Variants in LIPK observed in about 807,000 individuals in gnomAD.
The protein encoded by LIPK is lipase member K.
Under a neutral mutation model 48.6 loss-of-function variants are expected in LIPK, and 32 were observed. The observed-to-expected ratio is 0.66, with a 90% CI of 0.50 to 0.88. The LOEUF (loss-of-function observed/expected upper bound fraction) is 0.88, where lower values mean the gene tolerates loss of function less well. Ranked by LOEUF, LIPK falls within the 40% of genes least tolerant of loss-of-function variation. LIPK has a pLI of 0.00. For missense variants in LIPK, 507 were observed against 478.5 expected, an observed-to-expected ratio of 1.06 and a Z score of -0.56; for synonymous variants, 164 against 157.4, an observed-to-expected ratio of 1.04 and a Z score of -0.32.
chr10:88,712,139 T>A (rs1319715841), intron 1 of LIPK, among the ~76,000 whole-genome samples: 2 of 152,220 alleles, frequency 1.3e-5, no homozygotes, highest in Admixed American at 1.3e-4. Context: ...TATCTCTCTA[T>A]GTATTTGGAT....
chr10:88,745,187 A>G (rs938439382), intron 9 of LIPK, among the ~76,000 whole-genome samples: 26 of 152,038 alleles, frequency 1.7e-4, no homozygotes, highest in Non-Finnish European at 3.4e-4. Context: ...AAGAGAGAGG[A>G]AGTAACTTGG....
At chr10:88,727,159 A>G (rs1590141936) in intron 3 of LIPK, among the ~76,000 whole-genome samples, 2 of 152,194 alleles carry the variant, frequency 1.3e-5, no homozygotes, top group African/African-American at 4.8e-5. Flanking sequence ...CAAACACAAA[A>G]ACACATCGTG....
intron 4 of LIPK, 39 bp from the exon 5 acceptor site, chr10:88,732,139 A>G (rs1376319196): frequency 1.5e-6 from 2 of 1,374,532 alleles, no homozygotes; most frequent in Non-Finnish European, 2.1e-6. Context: ...CCTAACAATG[A>G]GATGACTTTT....
At chr10:88,749,922 A>G (rs1229886365) in intron 9 of LIPK, among the ~76,000 whole-genome samples, 1 of 152,182 alleles carries the variant, frequency 6.6e-6, no homozygotes, top group Non-Finnish European at 1.5e-5. Context: ...AAGATCTAAT[A>G]TCCAAAGTCT....
At chr10:88,744,606 C>G (rs1030772709) in intron 9 of LIPK, among the ~76,000 whole-genome samples, 2 of 152,096 alleles carry the variant, frequency 1.3e-5, no homozygotes, top group African/African-American at 4.8e-5. Flanking sequence ...TCAAGGGCTT[C>G]AAAGAATATA....
Position 88,752,753 on chromosome 10 carries a change from T to C in LIPK, c.1197T>C (p.Asn399=). ...LIILMEEYLQ[N] ...TATTGATGGAAGAATATTTACAAAA[T>C]TAAATGCACTTTACTTTCTCTAAGC... Residue 399 remains asparagine (N), a synonymous_variant, in exon 10 of 10, where the codon AAT becomes AAC. Coordinates refer to ENST00000404190, the MANE Select transcript of LIPK (RefSeq NM_001080518.2). The C allele has an allele frequency of 9.8e-6, 15 of 1,538,182 alleles. No individual in the cohort carries two copies. Among genetic ancestry groups the C allele is most frequent in the Non-Finnish European group, 1.3e-5 (15 of 1,134,808 alleles).
At chr10:88,746,662 A>T (rs189306847) in intron 9 of LIPK, among the ~76,000 whole-genome samples, 4 of 152,346 alleles carry the variant, frequency 2.6e-5, no homozygotes, top group Admixed American at 2.6e-4. Context: ...CACATCAAAA[A>T]GTTAGAAAGA....
chr10:88,739,048 T>C (rs543017714), intron 7 of LIPK, among the ~76,000 whole-genome samples: 3 of 152,340 alleles, frequency 2.0e-5, no homozygotes, highest in Admixed American at 2.0e-4. Flanking sequence ...AATAACTCTT[T>C]TAATTTAAAA....
chr10:88,729,171 C>G (rs1414511786), intron 3 of LIPK, among the ~76,000 whole-genome samples: 1 of 134,864 alleles, frequency 7.4e-6, no homozygotes, highest in Non-Finnish European at 1.5e-5. Context: ...CAAAAAAGAC[C>G]CTATTAGTTC....
At chr10:88,710,357 T>C (rs1842006641) in intron 1 of LIPK, among the ~76,000 whole-genome samples, 1 of 152,180 alleles carries the variant, frequency 6.6e-6, no homozygotes, top group Non-Finnish European at 1.5e-5. Flanking sequence ...TAAGTTTTAC[T>C]AGTTTACACC....
At chr10:88,734,989 C>G (rs1842543405) in intron 6 of LIPK, among the ~76,000 whole-genome samples, 1 of 152,136 alleles carries the variant, frequency 6.6e-6, no homozygotes, top group South Asian at 2.1e-4. Context: ...TTAGCACTTC[C>G]TTTTCATTGA....
At chr10:88,711,017 T>A (rs1320155773) in intron 1 of LIPK, among the ~76,000 whole-genome samples, 1 of 152,216 alleles carries the variant, frequency 6.6e-6, no homozygotes, top group South Asian at 2.1e-4. Context: ...AGTATCTCTC[T>A]AGGGTTTAAC....
chr10:88,713,047 G>GATAC (rs1300321651), intron 1 of LIPK, among the ~76,000 whole-genome samples: 1 of 152,092 alleles, frequency 6.6e-6, no homozygotes, highest in East Asian at 1.9e-4. Flanking sequence ...AAATACATGG[G>GATAC]ATACTCCATC....
chr10:88,738,995 T>C (rs561071994), intron 7 of LIPK, among the ~76,000 whole-genome samples: 2 of 152,360 alleles, frequency 1.3e-5, no homozygotes, highest in South Asian at 4.1e-4. Context: ...GGTTAAAATA[T>C]TTTTAAAGCC....
At chr10:88,724,673 T>G in intron 2 of LIPK, 25 bp downstream of exon 2, 1 of 1,346,180 alleles carries the variant, frequency 7.4e-7, no homozygotes, top group Non-Finnish European at 1.0e-6. Flanking sequence ...CAGAAAAAAA[T>G]GCTAAAATAA....
rs118108584 is a variant in LIPK at position 88,743,242 on chromosome 10, T to G, written c.889-8T>G. On this transcript the variant is annotated splice_region_variant and splice_polypyrimidine_tract_variant and intron_variant, in intron 8 of 9. Coordinates refer to ENST00000404190, the MANE Select transcript of LIPK (RefSeq NM_001080518.2). ...TTATATTATTTTAACGTGCTTATTT[T>G]ATTTTAGGCTGTTAATTCTGGTCAG... The G allele has an allele frequency of 8.1e-3, 12,761 of 1,566,716 alleles. 70 individuals carry two copies. The highest frequency in any genetic ancestry group is 0.01 in the Non-Finnish European group (11,651 of 1,151,186).
chr10:88,724,055 A>G (rs949302102), intron 1 of LIPK, among the ~76,000 whole-genome samples: 6 of 152,164 alleles, frequency 3.9e-5, no homozygotes, highest in Non-Finnish European at 1.5e-5. Flanking sequence ...CCTGAAAACA[A>G]AATTACTGAG....
At chr10:88,732,623 C>G in intron 6 of LIPK, 72 bp downstream of exon 6, 1 of 1,430,930 alleles carries the variant, frequency 7.0e-7, no homozygotes, top group Non-Finnish European at 9.5e-7. Flanking sequence ...CAACAGAAGA[C>G]CAATGACATT....
intron 3 of LIPK, chr10:88,728,582 C>T: frequency 2.2e-6 from 1 of 459,270 alleles, no homozygotes; most frequent in Non-Finnish European, 4.3e-6. Context: ...CGTAGCTTCA[C>T]CGGAACCTGG....
Sources: gnomAD v4.1 joint callset for allele counts (sites outside exome capture counted in the v4.1 genomes callset) on GRCh38, gnomAD v4.1.1 for gene constraint, MANE v1.5 for transcripts, NCBI Gene and HGNC (gene_info 2026-07-23, HGNC 2026-07-21) for gene names.